The following ZNF251 variants were observed in gnomAD, a reference collection of about 807,000 sequenced individuals.
The protein encoded by ZNF251 is zinc finger protein 251.
A neutral mutation model predicts 13.5 loss-of-function variants in ZNF251; 14 were observed. The observed-to-expected ratio is 1.04, with a 90% confidence interval of 0.69 to 1.63. The LOEUF (loss-of-function observed/expected upper bound fraction) is 1.63. Ranked by LOEUF, ZNF251 falls within the 40% of genes most tolerant of loss-of-function variation. The pLI, the probability that ZNF251 is intolerant of heterozygous loss-of-function variation, is 0.00. For missense variants in ZNF251, 764 were observed against 834.9 expected (o/e 0.92, Z 1.05); for synonymous variants, 287 against 295.2 (o/e 0.97, Z 0.28).
intron 4 of ZNF251, among the ~76,000 whole-genome samples, chr8:144,729,471 G>C (rs1354722029): frequency 6.6e-6 from 1 of 151,248 alleles, no homozygotes; most frequent in African/African-American, 2.4e-5. Flanking sequence ...CGAGTAGCTG[G>C]GACTACAGGC....
At chr8:144,730,725 A>C (rs1823668590) in intron 4 of ZNF251, among the ~76,000 whole-genome samples, 1 of 152,252 alleles carries the variant, frequency 6.6e-6, no homozygotes, top group Non-Finnish European at 1.5e-5. Flanking sequence ...GCGGTAGGGC[A>C]GGACAGGACG....
intron 4 of ZNF251, among the ~76,000 whole-genome samples, chr8:144,731,611 G>C (rs1823696453): frequency 6.6e-6 from 1 of 152,258 alleles, no homozygotes; most frequent in African/African-American, 2.4e-5. Flanking sequence ...TTTTGAGACA[G>C]AGTCTTGCTC....
chr8:144,732,810 TCAA>T (rs1563759146), intron 4 of ZNF251, among the ~76,000 whole-genome samples: 4 of 58,434 alleles, frequency 6.8e-5, no homozygotes, highest in East Asian at 1.0e-3. Flanking sequence ...AGACTCCGTC[TCAA>T]AAAAAAAAAA....
At chr8:144,725,174 C>T (rs572296468) in intron 4 of ZNF251, among the ~76,000 whole-genome samples, 40 of 152,134 alleles carry the variant, frequency 2.6e-4, no homozygotes, top group Admixed American at 2.4e-3. Flanking sequence ...CCACTATGCT[C>T]GGCTAATTTT....
intron 4 of ZNF251, among the ~76,000 whole-genome samples, chr8:144,736,511 G>C (rs565795057): frequency 6.9e-6 from 1 of 145,018 alleles, no homozygotes; most frequent in Non-Finnish European, 1.5e-5. Context: ...TTATTTTTGA[G>C]ACAGAGTTTC....
chr8:144,743,032 A>G (rs548376144), intron 4 of ZNF251, among the ~76,000 whole-genome samples: 6 of 152,248 alleles, frequency 3.9e-5, no homozygotes, highest in South Asian at 4.1e-4. Context: ...AGGTTCCTCT[A>G]TGTCTTTTCA....
intron 4 of ZNF251, among the ~76,000 whole-genome samples, chr8:144,737,207 C>T (rs765983090): frequency 6.6e-5 from 10 of 152,046 alleles, no homozygotes; most frequent in Non-Finnish European, 8.8e-5. Flanking sequence ...AAGCAATCCT[C>T]CCACCTCAGC....
intron 4 of ZNF251, among the ~76,000 whole-genome samples, chr8:144,741,653 C>A (rs897188438): frequency 1.3e-5 from 2 of 152,072 alleles, no homozygotes; most frequent in Non-Finnish European, 2.9e-5. Context: ...TCAGCAGAGA[C>A]ACAGAAATAA....
intron 4 of ZNF251, among the ~76,000 whole-genome samples, chr8:144,739,545 C>G (rs780353655): frequency 6.6e-6 from 1 of 152,192 alleles, no homozygotes; most frequent in Admixed American, 6.5e-5. Flanking sequence ...AAATAGCCTA[C>G]GCTTGACATA....
At chr8:144,743,078 T>C (rs187890257) in intron 4 of ZNF251, among the ~76,000 whole-genome samples, 2 of 152,340 alleles carry the variant, frequency 1.3e-5, no homozygotes, top group African/African-American at 4.8e-5. Flanking sequence ...TTTATTTTAT[T>C]TTTGAGACGC....
chr8:144,741,196 G>A (rs1486428376), intron 4 of ZNF251, among the ~76,000 whole-genome samples: 2 of 152,222 alleles, frequency 1.3e-5, no homozygotes, highest in Admixed American at 6.5e-5. Flanking sequence ...ACATCTGTGA[G>A]TGGGGCCAAT....
rs1160937702 is a variant in ZNF251, at chr8:144,722,645, G to A, written c.1015C>T (p.His339Tyr). 6.2e-7 allele frequency: 1 copy of A among 1,614,202 alleles called. No homozygotes were observed. The highest frequency in any genetic ancestry group is 1.3e-5 in the African/African-American group (1 of 75,044). ...GFSQSPQLTQHQRIHTGEKPH... is the reference protein window; with the variant it reads ...GFSQSPQLTQYQRIHTGEKPH... ...TTCTCTCCAGTGTGAATTCTCTGAT[G>A]CTGAGTTAACTGGGGGCTCTGGCTA... is the stretch of plus-strand genomic sequence containing the variant. The change falls in exon 5 of 5, where the codon CAT (histidine) becomes TAT (tyrosine). Residue 339 changes from histidine (H) to tyrosine (Y), a missense_variant. Transcript: ENST00000292562. This position sits in a 1 kb window ranked among gnomAD's most constrained non-coding sequence, Gnocchi z 4.8.
Position 144,722,469 on chromosome 8 carries a change from C to T in ZNF251, c.1191G>A (p.Arg397=), listed in dbSNP as rs771315838. The change falls in exon 5 of 5, where the codon CGG becomes CGA. Residue 397 remains arginine, a synonymous_variant. Transcript: ENST00000292562. This position sits in a 1 kb window ranked among gnomAD's most constrained non-coding sequence, Gnocchi z 4.8. ...CATAGGGTTTCTCTCCAGTATGAAC[C>T]CGATGATGGAGGAAAAGGCTTGAGC... The part of the protein sequence containing the change: ...SQSSSLFLHH[R]VHTGEKPYVC... The T allele has an allele frequency of 6.2e-7, 1 of 1,613,462 alleles. No individual in the cohort carries two copies. The highest frequency in any genetic ancestry group is 1.1e-5 in the South Asian group (1 of 91,042).
Position 144,722,740 on chromosome 8 carries a change from G to C in ZNF251, c.920C>G (p.Thr307Ser), listed in dbSNP as rs772614759. 6.2e-7 allele frequency: 1 copy of C among 1,613,768 alleles called. No homozygotes were observed. The highest frequency in any genetic ancestry group is 1.1e-5 in the South Asian group (1 of 91,066). Residue 307 changes from threonine to serine, a missense_variant, in exon 5 of 5, where the codon ACT (threonine) becomes AGT (serine). Coordinates refer to ENST00000292562, the MANE Select transcript of ZNF251 (RefSeq NM_138367.2). This position sits in a 1 kb window ranked among gnomAD's most constrained non-coding sequence, Gnocchi z 4.8. ...ECGKAFSRSSTLIQHRIIHTG... is the reference protein window; with the variant it reads ...ECGKAFSRSSSLIQHRIIHTG... ...GTGAATGATCCGATGTTGAATAAGA[G>C]TTGAGCTTCGACTGAAAGCCTTCCC...
At chr8:144,755,350 C>CTG (rs1824912563) in intron 1 of ZNF251, 55 bp downstream of exon 1, 1 of 1,281,388 alleles carries the variant, frequency 7.8e-7, no homozygotes, top group Non-Finnish European at 1.0e-6. Flanking sequence ...CCTCCCCGCG[C>CTG]CCTCCCCGCC....
chr8:144,746,032 C>A (rs2722493), intron 4 of ZNF251, among the ~76,000 whole-genome samples: 151,266 of 152,376 alleles, frequency 0.99, 75,085 homozygotes, highest in Middle Eastern at 1. Context: ...ACTTACACCT[C>A]AGTATTTTAT....
At chr8:144,751,635 C>T (rs150562582) in intron 4 of ZNF251, among the ~76,000 whole-genome samples, 17 of 151,602 alleles carry the variant, frequency 1.1e-4, no homozygotes, top group African/African-American at 3.6e-4. Context: ...AAATAAAGGC[C>T]GGAAAGAGGA....
intron 4 of ZNF251, among the ~76,000 whole-genome samples, chr8:144,746,405 GA>G (rs1824431338): frequency 6.6e-6 from 1 of 152,142 alleles, no homozygotes; most frequent in Admixed American, 6.5e-5. Context: ...ATTTTGTTGG[GA>G]TTTTTGCATT....
intron 4 of ZNF251, among the ~76,000 whole-genome samples, chr8:144,747,573 T>C (rs1245914077): frequency 2.6e-5 from 4 of 152,258 alleles, no homozygotes; most frequent in Non-Finnish European, 5.9e-5. Flanking sequence ...AACTCATCTA[T>C]TTCCCCTTGT....
Sources: allele counts gnomAD v4.1 joint callset (sites outside exome capture counted in the v4.1 genomes callset), GRCh38; gene constraint gnomAD v4.1.1; non-coding constraint Gnocchi (gnomAD v3.1); transcripts MANE v1.5; gene names NCBI Gene and HGNC (gene_info 2026-07-23, HGNC 2026-07-21).